Variants in SDK1 observed in about 807,000 individuals in gnomAD.
SDK1 encodes the protein protein sidekick-1.
Under a neutral mutation model 245.5 loss-of-function variants are expected in SDK1, and 157 were observed. The ratio of observed to expected loss-of-function variants is 0.64; its 90% CI spans 0.56 to 0.73. The LOEUF is 0.73. Ranked by LOEUF, SDK1 falls within the 30% of genes least tolerant of loss-of-function variation. The pLI is 0.00. For missense variants in SDK1, 3,583 were observed against 3,002.3 expected, an observed-to-expected ratio of 1.19 and a Z score of -4.52; for synonymous variants, 1,647 against 1,278.5, an observed-to-expected ratio of 1.29 and a Z score of -6.15.
rs1038375618 is a variant in SDK1, at chr7:4,267,512, A to T, written c.*2128A>T. 1 of 985,408 alleles carries T rather than the reference A, an allele frequency of 1.0e-6. No homozygotes were observed. The highest frequency in any genetic ancestry group is 1.7e-5 in the African/African-American group (1 of 57,330). 61.0% of individuals were successfully genotyped at this position (985,408 alleles called of 1,614,324 possible). A position where few individuals can be genotyped will look rare whatever the true frequency, so the allele number is the denominator to read the frequency against. The stretch of plus-strand genomic sequence containing the variant: ...CTTCCCCTCGGCCCCGGAGAGGGCG[A>T]AGTGGGCGGGAAGCCAGGATGTGAG... On this transcript the variant is annotated 3_prime_UTR_variant, in exon 45 of 45. Coordinates refer to ENST00000404826, the MANE Select transcript of SDK1 (RefSeq NM_152744.4).
At chr7:3,806,300 T>G (rs1294667496) in intron 4 of SDK1, among the ~76,000 whole-genome samples, 2 of 120,780 alleles carry the variant, frequency 1.7e-5, no homozygotes, top group African/African-American at 8.6e-5. Flanking sequence ...ATGTCCACAT[T>G]AGGATGTGGA....
intron 5 of SDK1, among the ~76,000 whole-genome samples, chr7:3,863,139 G>C (rs1293637856): frequency 1.3e-5 from 2 of 152,162 alleles, no homozygotes; most frequent in Non-Finnish European, 2.9e-5. Flanking sequence ...CCTGGTTCCT[G>C]TCCTCCTGAG....
intron 5 of SDK1, among the ~76,000 whole-genome samples, chr7:3,894,536 G>A (rs1426095025): frequency 7.1e-6 from 1 of 140,952 alleles, no homozygotes; most frequent in Non-Finnish European, 1.5e-5. Context: ...CCACTGAAAG[G>A]AACCCTGAGC....
At chr7:4,228,095 C>G (rs1785545046) in intron 40 of SDK1, among the ~76,000 whole-genome samples, 1 of 152,232 alleles carries the variant, frequency 6.6e-6, no homozygotes, top group Non-Finnish European at 1.5e-5. Context: ...AAAGCCGCCT[C>G]AATGGGAAGC....
At chr7:3,876,687 G>C (rs766971960) in intron 5 of SDK1, among the ~76,000 whole-genome samples, 1 of 152,154 alleles carries the variant, frequency 6.6e-6, no homozygotes, top group African/African-American at 2.4e-5. Flanking sequence ...CCAAATGAAA[G>C]ATGTTTTTGG....
chr7:3,611,611 G>A (rs768100081), intron 1 of SDK1, among the ~76,000 whole-genome samples: 12 of 152,120 alleles, frequency 7.9e-5, no homozygotes, highest in Non-Finnish European at 1.8e-4. Flanking sequence ...CAGTTCTTTA[G>A]GGAATCTTCA....
At chr7:4,208,440 T>A (rs1584449369) in intron 37 of SDK1, among the ~76,000 whole-genome samples, 155 bp downstream of exon 37, 1 of 152,210 alleles carries the variant, frequency 6.6e-6, no homozygotes, top group Non-Finnish European at 1.5e-5. Context: ...CAGGACTGGG[T>A]TTGGCTCATT....
At chr7:3,570,805 A>G (rs1200755350) in intron 1 of SDK1, among the ~76,000 whole-genome samples, 4 of 152,076 alleles carry the variant, frequency 2.6e-5, no homozygotes, top group Middle Eastern at 3.2e-3. Flanking sequence ...CTCTTTTAGC[A>G]CAAATTAATG....
chr7:4,123,225 A>G (rs1254407548), intron 25 of SDK1, among the ~76,000 whole-genome samples: 1 of 152,220 alleles, frequency 6.6e-6, no homozygotes, highest in Admixed American at 6.5e-5. Flanking sequence ...CTCTTTTTGC[A>G]GACAGGGACA....
At chr7:3,406,054 C>G (rs989520365) in intron 1 of SDK1, among the ~76,000 whole-genome samples, 4 of 152,122 alleles carry the variant, frequency 2.6e-5, no homozygotes, top group African/African-American at 9.7e-5. Flanking sequence ...CTCAAGTGAT[C>G]CACCTGCCTT....
chr7:3,856,300 T>A (rs1412724128), intron 5 of SDK1, among the ~76,000 whole-genome samples: 1 of 151,964 alleles, frequency 6.6e-6, no homozygotes, highest in Non-Finnish European at 1.5e-5. Flanking sequence ...AATGTAAATC[T>A]GATCAAGAAA....
At chr7:3,626,771 T>C (rs1237836432) in intron 2 of SDK1, among the ~76,000 whole-genome samples, 1 of 152,180 alleles carries the variant, frequency 6.6e-6, no homozygotes, top group African/African-American at 2.4e-5. Flanking sequence ...GTGAGTAGGA[T>C]GAATTAGAGT....
chr7:3,465,143 C>T (rs993107607), intron 1 of SDK1, among the ~76,000 whole-genome samples: 1 of 152,062 alleles, frequency 6.6e-6, no homozygotes. Context: ...TGGCATTGTG[C>T]CTGCACTTCC....
intron 14 of SDK1, among the ~76,000 whole-genome samples, chr7:3,996,083 G>A (rs11972874): frequency 0.062 from 9,403 of 152,002 alleles, 927 homozygotes; most frequent in African/African-American, 0.21. Flanking sequence ...TGGAATTTAG[G>A]TGTGTTATAT....
intron 4 of SDK1, among the ~76,000 whole-genome samples, chr7:3,796,645 A>G (rs1364930504): frequency 6.6e-6 from 1 of 152,218 alleles, no homozygotes; most frequent in Non-Finnish European, 1.5e-5. Context: ...ATCTCTGGGC[A>G]CTGGGTTCCT....
chr7:3,318,208 T>G (rs1180090014), intron 1 of SDK1, among the ~76,000 whole-genome samples: 1 of 152,224 alleles, frequency 6.6e-6, no homozygotes, highest in Non-Finnish European at 1.5e-5. Flanking sequence ...TGGGTATACC[T>G]TGTTACAAAC....
At chr7:3,964,505 A>G (rs1005369784) in intron 9 of SDK1, among the ~76,000 whole-genome samples, 6 of 151,990 alleles carry the variant, frequency 3.9e-5, no homozygotes, top group African/African-American at 1.5e-4. Context: ...TTATTGAACA[A>G]TTGTAGTTCT....
intron 7 of SDK1, among the ~76,000 whole-genome samples, chr7:3,956,889 C>T (rs73038421): frequency 4.3e-4 from 65 of 152,246 alleles, no homozygotes; most frequent in Non-Finnish European, 8.7e-4. Context: ...CTGACCCCAG[C>T]GAGGTCCCTT....
intron 1 of SDK1, among the ~76,000 whole-genome samples, chr7:3,608,625 A>AT (rs143469149): frequency 0.031 from 4,754 of 152,230 alleles, 225 homozygotes; most frequent in African/African-American, 0.1. Flanking sequence ...AATTTGTGAT[A>AT]TTTTTTACAT....
Sources: allele counts gnomAD v4.1 joint callset (sites outside exome capture counted in the v4.1 genomes callset), GRCh38; gene constraint gnomAD v4.1.1; transcripts MANE v1.5; gene names NCBI Gene and HGNC (gene_info 2026-07-23, HGNC 2026-07-21).